Variants in C22orf23 observed in about 807,000 individuals in gnomAD.
C22orf23 encodes the protein UPF0193 protein EVG1.
A neutral mutation model predicts 29.7 loss-of-function variants in C22orf23; 30 were observed. The observed-to-expected ratio is 1.01, with a 90% confidence interval of 0.76 to 1.37. The LOEUF is 1.37. C22orf23 is among the 40% of genes most tolerant of loss of function. The pLI, the probability that C22orf23 is intolerant of heterozygous loss-of-function variation, is 0.00. For missense variants in C22orf23, 237 were observed against 273.1 expected (o/e 0.87, Z 0.93); for synonymous variants, 90 against 96.1 (o/e 0.94, Z 0.37).
At chr22:37,949,284 G>GTTT (rs1215001658) in intron 3 of C22orf23, among the ~76,000 whole-genome samples, 8 of 129,336 alleles carry the variant, frequency 6.2e-5, no homozygotes, top group African/African-American at 2.3e-4. Flanking sequence ...CCCATCCATT[G>GTTT]TTTTTTTTTT....
chr22:37,953,054 C>A lies in C22orf23; in HGVS notation c.96G>T (p.Leu32=), dbSNP rs1237753692. The A allele has an allele frequency of 1.9e-6, 3 of 1,613,188 alleles. No homozygotes were observed. Among genetic ancestry groups the A allele is most frequent in the Non-Finnish European group, 2.5e-6 (3 of 1,179,454 alleles). The stretch of plus-strand genomic sequence containing the variant: ...CTGCTTTAACGGACTGACCTCTGAG[C>A]AGCTCGCAGGTCCCCGGGGTGTAAG... ...TITYTPGTCE[L]LRVMMKESKL... is the part of the protein sequence containing the mutation. Residue 32 remains leucine (L), a synonymous_variant, in exon 2 of 7, where the codon CTG becomes CTT. Coordinates refer to ENST00000403305, the MANE Select transcript of C22orf23 (RefSeq NM_032561.5).
intron 3 of C22orf23, among the ~76,000 whole-genome samples, chr22:37,948,838 C>CA (rs1930852825): frequency 1.3e-5 from 2 of 152,188 alleles, no homozygotes; most frequent in Admixed American, 6.6e-5. Flanking sequence ...ATTAAAATAA[C>CA]AGACTCTTTT....
Position 37,943,971 on chromosome 22 carries a change from T to C in C22orf23, c.*204A>G, listed in dbSNP as rs1354893180. The stretch of plus-strand genomic sequence containing the variant: ...GGCTTTGCTTCTCTGCGGACGGGGC[T>C]GTGAGTCTCAGAGGCTCCATCTGCA... On this transcript the variant is annotated 3_prime_UTR_variant, in exon 7 of 7. Transcript: ENST00000403305. The C allele has an allele frequency of 3.3e-6, 2 of 614,994 alleles. No homozygotes were observed. The highest frequency in any genetic ancestry group is 5.8e-6 in the Non-Finnish European group (2 of 343,484). The allele number at this position is 614,994 out of a possible 1,614,324, so 38.1% of individuals were successfully genotyped here.
intron 4 of C22orf23, 135 bp downstream of exon 4, chr22:37,947,146 C>A: frequency 1.1e-6 from 1 of 886,444 alleles, no homozygotes. Flanking sequence ...TGTGCTGAGG[C>A]TCAAGAGCAT....
chr22:37,950,294 T>C (rs1398969859), intron 3 of C22orf23, among the ~76,000 whole-genome samples: 1 of 151,376 alleles, frequency 6.6e-6, no homozygotes, highest in East Asian at 2.0e-4. Flanking sequence ...TGTATTGGCA[T>C]AGAGACAGGG....
At chr22:37,949,245 A>C (rs1287769454) in intron 3 of C22orf23, among the ~76,000 whole-genome samples, 1 of 148,276 alleles carries the variant, frequency 6.7e-6, no homozygotes, top group Non-Finnish European at 1.5e-5. Context: ...CCACCTCTCA[A>C]CTGCCATAAA....
intron 3 of C22orf23, among the ~76,000 whole-genome samples, chr22:37,948,485 G>A (rs1237929069): frequency 1.3e-5 from 2 of 151,130 alleles, no homozygotes; most frequent in Non-Finnish European, 2.9e-5. Flanking sequence ...GCTGGGCGTG[G>A]TGATGCAGGC....
At chr22:37,947,502 C>CTTTT (rs11359710) in intron 3 of C22orf23, 39 bp from the exon 4 acceptor site, 9 of 321,230 alleles carry the variant, frequency 2.8e-5, no homozygotes, top group African/African-American at 7.4e-5. Flanking sequence ...ACCCACATGG[C>CTTTT]TTTTTTTTTT....
In C22orf23 at chr22:37,944,186, C is replaced by T; in HGVS notation, c.643G>A (p.Ala215Thr). The change falls in exon 7 of 7, where the codon GCC (alanine) becomes ACC (threonine). Residue 215 changes from alanine to threonine, a missense_variant. Ala to Thr is a moderately conservative substitution (Grantham distance 58). Coordinates refer to ENST00000403305, the MANE Select transcript of C22orf23 (RefSeq NM_032561.5). ...TCTCTGGAGACAGATTAAGTGGTGG[C>T]AAGACCCTTCCTAAGTTCCTCACTC... ...RRSEELRKGL[A>T]TT is the part of the protein sequence containing the mutation. 1 of 1,614,184 alleles carries T rather than the reference C, an allele frequency of 6.2e-7. No individual in the cohort carries two copies. Among genetic ancestry groups the T allele is most frequent in the South Asian group, 1.1e-5 (1 of 91,090 alleles).
At chr22:37,947,224 C>T in intron 4 of C22orf23, 57 bp downstream of exon 4, 1 of 1,593,864 alleles carries the variant, frequency 6.3e-7, no homozygotes, top group Admixed American at 1.7e-5. Flanking sequence ...TTGCGTCCCT[C>T]TCCCTTGTCC....
At chr22:37,947,614 G>A (rs541750748) in intron 3 of C22orf23, 151 bp from the exon 4 acceptor site, 12 of 616,862 alleles carry the variant, frequency 1.9e-5, no homozygotes, top group Non-Finnish European at 2.6e-5. Flanking sequence ...AGGTTCAAGC[G>A]ATTCTCCTGC....
chr22:37,943,745 T>C lies in C22orf23; in HGVS notation c.*430A>G, dbSNP rs1394190382. On this transcript the variant is annotated 3_prime_UTR_variant, in exon 7 of 7. Transcript: ENST00000403305. The stretch of plus-strand genomic sequence containing the variant: ...TGCTTGTAATGACCCACGTTAAATA[T>C]GTTTTATTGGCCAGTTAATCATTGT... 5.2e-6 allele frequency: 1 copy of C among 193,132 alleles called. No individual in the cohort carries two copies. The highest frequency in any genetic ancestry group is 2.3e-5 in the African/African-American group (1 of 43,040). 12.0% of individuals were successfully genotyped at this position (193,132 alleles called of 1,614,324 possible). A position where few individuals can be genotyped will look rare whatever the true frequency, so the allele number is the denominator to read the frequency against.
chr22:37,951,258 G>A (rs1010611517), intron 3 of C22orf23: 57 of 511,532 alleles, frequency 1.1e-4, no homozygotes, highest in Non-Finnish European at 1.7e-4. Flanking sequence ...GGCTTGTGGC[G>A]TTGCCCGGGC....
rs370662580 is a variant in C22orf23 at position 37,944,899 on chromosome 22, AAAAT to A, written c.481+139_481+142del. The A allele has an allele frequency of 1.8e-3, 1,618 of 911,938 alleles. 2 individuals carry two copies. The highest frequency in any genetic ancestry group is 8.7e-3 in the African/African-American group (505 of 57,940). 56.5% of individuals were successfully genotyped at this position (911,938 alleles called of 1,614,324 possible). ...TGGGCAATAAGAGCAAGACTGTCTC[AAAAT>A]AAATAAATAAATAAATAAATAGTGT... On this transcript the variant is annotated intron_variant, in intron 5 of 6. Coordinates refer to ENST00000403305, the MANE Select transcript of C22orf23 (RefSeq NM_032561.5).
At chr22:37,946,520 A>G (rs537208924) in intron 4 of C22orf23, among the ~76,000 whole-genome samples, 62 of 148,294 alleles carry the variant, frequency 4.2e-4, no homozygotes, top group Non-Finnish European at 7.0e-4. Context: ...GGCTGCAGTG[A>G]GCTATGATCA....
In C22orf23 at chr22:37,944,552, G is replaced by A. The variant is rs952417049; in HGVS notation, c.482-35C>T. The A allele has an allele frequency of 1.9e-6, 3 of 1,576,210 alleles. No homozygotes were observed. In the African/African-American group the frequency reaches 4.0e-5, roughly 21 times the overall value. ...GGAGAGGGCTGTCAGGTTCCCATGA[G>A]GGATGCAGGCAGCGGGTTGCCTCTC... On this transcript the variant is annotated intron_variant, in intron 5 of 6. Coordinates refer to ENST00000403305, the MANE Select transcript of C22orf23 (RefSeq NM_032561.5).
At chr22:37,950,707 C>G (rs984282580) in intron 3 of C22orf23, among the ~76,000 whole-genome samples, 37 of 151,708 alleles carry the variant, frequency 2.4e-4, no homozygotes, top group African/African-American at 8.5e-4. Context: ...GAGTTCGAGA[C>G]CAGCCTGGCC....
At chr22:37,951,223 A>T in intron 3 of C22orf23, 3 of 397,522 alleles carry the variant, frequency 7.5e-6, no homozygotes, top group African/African-American at 2.1e-5. Flanking sequence ...AAAAAAAAAA[A>T]GGTTTTGTGG....
Position 37,953,153 on chromosome 22 carries a change from AG to A in C22orf23, c.-5del, listed in dbSNP as rs1931172039. On this transcript the variant is annotated 5_prime_UTR_variant, in exon 2 of 7. Coordinates refer to ENST00000403305, the MANE Select transcript of C22orf23 (RefSeq NM_032561.5). ...CCATCTGCTTCTGTGAAGCCATGGGAGGACTCTGAGGAGGGAAAGACGCAAT... is the reference window on the plus strand; with the variant it reads ...CCATCTGCTTCTGTGAAGCCATGGGAGACTCTGAGGAGGGAAAGACGCAAT... 6.2e-7 allele frequency: 1 copy of A among 1,608,058 alleles called. No individual in the cohort carries two copies. Among genetic ancestry groups the A allele is most frequent in the Non-Finnish European group, 8.5e-7 (1 of 1,175,440 alleles).
Sources: gnomAD v4.1 joint callset for allele counts (sites outside exome capture counted in the v4.1 genomes callset) on GRCh38, gnomAD v4.1.1 for gene constraint, MANE v1.5 for transcripts, NCBI Gene and HGNC (gene_info 2026-07-23, HGNC 2026-07-21) for gene names.